MVK: variants seen among roughly 807,000 people sequenced by gnomAD.
MVK encodes LH receptor mRNA-binding protein.
Under a neutral mutation model 43.2 loss-of-function variants are expected in MVK, and 34 were observed. The observed-to-expected ratio is 0.79, with a 90% CI of 0.60 to 1.05. MVK has a LOEUF of 1.05. Ranked by LOEUF, MVK falls within the 50% of genes least tolerant of loss-of-function variation. The pLI is 0.00. For synonymous variants in MVK, 190 were observed against 219.8 expected (o/e 0.86, Z 1.20); for missense variants, 395 against 504.0 (o/e 0.78, Z 2.07).
chr12:109,574,723 G>A, intron 1 of MVK, 86 bp from the exon 2 acceptor site: 2 of 1,133,510 alleles, frequency 1.8e-6, no homozygotes, highest in South Asian at 1.3e-5. Flanking sequence ...TTATTATGAT[G>A]GGCTTGAACT....
chr12:109,573,929 G>T (rs777491107), intron 1 of MVK, 56 bp downstream of exon 1: 64 of 160,434 alleles, frequency 4.0e-4, no homozygotes, highest in Non-Finnish European at 7.2e-4. Context: ...CCAGGACGAC[G>T]CTGAGCCAGG....
In MVK at chr12:109,596,623, A is replaced by T; in HGVS notation, c.*46A>T. 6.3e-7 allele frequency: 1 copy of T among 1,589,302 alleles called. No homozygotes were observed. Among genetic ancestry groups the T allele is most frequent in the Non-Finnish European group, 8.5e-7 (1 of 1,172,350 alleles). On this transcript the variant is annotated 3_prime_UTR_variant, in exon 11 of 11. Coordinates refer to ENST00000228510, the MANE Select transcript of MVK (RefSeq NM_000431.4). ...GCCCCACCCAGATGCCCCTTTCTGG[A>T]TTATTCTGGGGGCTGCAGTTCGACT... is the stretch of plus-strand genomic sequence containing the variant.
intron 7 of MVK, chr12:109,588,244 AG>A (rs1236076932): frequency 6.6e-6 from 1 of 152,246 alleles, no homozygotes; most frequent in Admixed American, 6.5e-5. Flanking sequence ...AGACACCTGA[AG>A]GGTTGTGAAG....
intron 3 of MVK, among the ~76,000 whole-genome samples, chr12:109,578,136 GT>G (rs1885044190): frequency 6.6e-6 from 1 of 152,174 alleles, no homozygotes. Flanking sequence ...GCGACACAGA[GT>G]GCATTATGTA....
At position 109,596,644 on chromosome 12, in the gene MVK, C is replaced by T. The variant is rs1885927629; in HGVS notation, c.*67C>T. 5.7e-6 allele frequency: 9 copies of T among 1,580,882 alleles called. No homozygotes were observed. In the Middle Eastern group the frequency reaches 6.6e-4, roughly 116 times the overall value. ...CTGGATTATTCTGGGGGCTGCAGTT[C>T]GACTCTGTGCTGGCCAGCGAGCGCC... On this transcript the variant is annotated 3_prime_UTR_variant, in exon 11 of 11. Coordinates refer to ENST00000228510, the MANE Select transcript of MVK (RefSeq NM_000431.4).
intron 6 of MVK, 106 bp from the exon 7 acceptor site, chr12:109,586,648 C>G: frequency 7.7e-7 from 1 of 1,296,374 alleles, no homozygotes; most frequent in Non-Finnish European, 1.1e-6. Flanking sequence ...TAGCCTCTTT[C>G]CTGAATGGGG....
At chr12:109,574,663 C>T in intron 1 of MVK, 146 bp from the exon 2 acceptor site, 1 of 712,452 alleles carries the variant, frequency 1.4e-6, no homozygotes, top group Admixed American at 2.1e-5. Flanking sequence ...TTGACTCCTG[C>T]ATTGCCTTTC....
chr12:109,593,694 T>G (rs918422921), intron 9 of MVK, among the ~76,000 whole-genome samples: 1 of 151,420 alleles, frequency 6.6e-6, no homozygotes, highest in Non-Finnish European at 1.5e-5. Context: ...TCACCTTGTT[T>G]CGTCTCAGGG....
chr12:109,575,639 T>C (rs1036480035), intron 2 of MVK, among the ~76,000 whole-genome samples: 5 of 152,160 alleles, frequency 3.3e-5, no homozygotes, highest in African/African-American at 1.2e-4. Flanking sequence ...CCTCTTGCCT[T>C]GGCCTCCCAA....
chr12:109,573,488 G>C, upstream of MVK: 1 of 1,597,960 alleles, frequency 6.3e-7, no homozygotes, highest in African/African-American at 1.3e-5. Flanking sequence ...CATGAGCCAG[G>C]CTGCTTGACG....
At chr12:109,573,958 CA>C (rs1884793211) in intron 1 of MVK, 85 bp downstream of exon 1, 1 of 159,314 alleles carries the variant, frequency 6.3e-6, no homozygotes, top group Non-Finnish European at 1.4e-5. Flanking sequence ...TTCTGTGGCT[CA>C]GTTTACCCAG....
chr12:109,575,218 A>G (rs1268323333), intron 2 of MVK, among the ~76,000 whole-genome samples: 1 of 152,220 alleles, frequency 6.6e-6, no homozygotes, highest in African/African-American at 2.4e-5. Context: ...AGTTGGAAGG[A>G]TGATCTAGCA....
In MVK at chr12:109,595,290, G is replaced by A. The variant is rs553601459; in HGVS notation, c.1039+109G>A. The A allele has an allele frequency of 3.2e-5, 46 of 1,423,306 alleles. No individual in the cohort carries two copies. The highest frequency in any genetic ancestry group is 2.6e-4 in the African/African-American group (18 of 69,974). 88.2% of individuals were successfully genotyped at this position (1,423,306 alleles called of 1,614,324 possible). A position where few individuals can be genotyped will look rare whatever the true frequency, so the allele number is the denominator to read the frequency against. ...AGACCTGGAAACAGGTCTCAGCTCC[G>A]CTGTGTGGCCTTGGGCAAGTTAGTT... On this transcript the variant is annotated intron_variant, in intron 10 of 10. Coordinates refer to ENST00000228510, the MANE Select transcript of MVK (RefSeq NM_000431.4). The surrounding 1 kb of genome is among the most constrained non-coding windows in gnomAD (Gnocchi z 5.9).
At chr12:109,576,873 A>G (rs1242748331) in intron 3 of MVK, among the ~76,000 whole-genome samples, 1 of 135,678 alleles carries the variant, frequency 7.4e-6, no homozygotes, top group Non-Finnish European at 1.7e-5. Context: ...TCCATCTCAA[A>G]AAAAAAAAAA....
chr12:109,592,882 G>A (rs1383898119), intron 9 of MVK, among the ~76,000 whole-genome samples: 2 of 152,156 alleles, frequency 1.3e-5, no homozygotes, highest in Admixed American at 6.5e-5. Flanking sequence ...AGAAAGGAGG[G>A]AACACAGTCC....
At chr12:109,582,911 A>C (rs1209839376) in intron 5 of MVK, among the ~76,000 whole-genome samples, 3 of 151,632 alleles carry the variant, frequency 2.0e-5, no homozygotes, top group Admixed American at 6.6e-5. Flanking sequence ...AATGCACCCC[A>C]CACACACACC....
intron 9 of MVK, among the ~76,000 whole-genome samples, chr12:109,593,716 AT>A (rs33948292): frequency 0.027 from 2,937 of 110,290 alleles, 28 homozygotes; most frequent in Middle Eastern, 0.041. Context: ...AAAGAAGCAG[AT>A]TTTTTTTTTT....
Position 109,579,946 on chromosome 12 carries a change from G to GGT in MVK, c.371+6_371+7dup, listed in dbSNP as rs1337419856. On this transcript the variant is annotated frameshift_variant and splice_region_variant. Transcript: ENST00000228510. LOFTEE classifies it high-confidence loss of function. ...TACCTGTCCATCTGCCGGAAGCAGA[G>GGT]GTGTGTGCGTGGTCTGGGGAAGGAG... 18 of 1,614,090 alleles carry GGT rather than the reference G, an allele frequency of 1.1e-5. No individual in the cohort carries two copies. The highest frequency in any genetic ancestry group is 8.3e-5 in the Admixed American group (5 of 60,006).
chr12:109,578,212 C>G (rs1358879850), intron 3 of MVK, among the ~76,000 whole-genome samples: 2 of 151,978 alleles, frequency 1.3e-5, no homozygotes. Flanking sequence ...AAAGATCTAC[C>G]ATCTTTCTTT....
Sources: allele counts gnomAD v4.1 joint callset (sites outside exome capture counted in the v4.1 genomes callset), GRCh38; gene constraint gnomAD v4.1.1; non-coding constraint Gnocchi (gnomAD v3.1); transcripts MANE v1.5; gene names NCBI Gene and HGNC (gene_info 2026-07-23, HGNC 2026-07-21).